Variants in FBN2 observed in about 807,000 individuals in gnomAD.
The protein encoded by FBN2 is fibrillin-2.
A neutral mutation model predicts 355.6 loss-of-function variants in FBN2; 105 were observed. That is an observed-to-expected ratio of 0.30 (90% CI 0.25 to 0.35). FBN2 has a LOEUF of 0.35. Among genes scored for constraint, FBN2 ranks in the 10% least tolerant of loss-of-function variants. FBN2 has a pLI of 1.00. For synonymous variants in FBN2, 1,350 were observed against 1,301.2 expected (o/e 1.04, Z -0.81); for missense variants, 3,280 against 3,758.7 (o/e 0.87, Z 3.33).
intron 7 of FBN2, among the ~76,000 whole-genome samples, chr5:128,434,422 A>ATATACATATATATATATATATATATG (rs1561455185): frequency 7.5e-6 from 1 of 132,682 alleles, no homozygotes; most frequent in African/African-American, 3.3e-5. Flanking sequence ...ATATATATAT[A>ATATACATATATATATATATATATATG]TATGGGCAGT....
At chr5:128,347,462 T>G (rs1342423330) in intron 23 of FBN2, among the ~76,000 whole-genome samples, 1 of 152,178 alleles carries the variant, frequency 6.6e-6, no homozygotes, top group African/African-American at 2.4e-5. Context: ...TTTGGAAACC[T>G]TTGGATGGTC....
chr5:128,536,630 G>C (rs1323491226), intron 1 of FBN2, 146 bp from the exon 2 acceptor site: 5 of 712,380 alleles, frequency 7.0e-6, no homozygotes, highest in African/African-American at 1.7e-5. Flanking sequence ...GAGATCGGGA[G>C]GCAGACGTGG....
Position 128,374,691 on chromosome 5 carries a change from C to G in FBN2, c.2032G>C (p.Gly678Arg). 1 of 1,613,932 alleles carries G rather than the reference C, an allele frequency of 6.2e-7. No homozygotes were observed. Among genetic ancestry groups the G allele is most frequent in the Non-Finnish European group, 8.5e-7 (1 of 1,179,896 alleles). The change falls in exon 15 of 65, where the codon GGG becomes CGG. Residue 678 changes from glycine (G) to arginine (R), a missense_variant. Gly to Arg is a moderately radical substitution (Grantham distance 125, BLOSUM62 -2). This residue lies in a region of FBN2 where 2,284 missense variants were observed against 2,749.5 expected (regional missense o/e 0.83). Transcript: ENST00000262464. ...CMNGHCINSE[G>R]SFRCDCPPGL... ...GGGGGACAGTCACAGCGGAAGGACC[C>G]TTCACTGTTGATGCAGTGCCCATTC...
intron 34 of FBN2, 135 bp downstream of exon 34, chr5:128,328,561 T>TC: frequency 1.0e-6 from 1 of 958,202 alleles, no homozygotes; most frequent in South Asian, 1.4e-5. Context: ...TAATCCACGC[T>TC]TAAACGAATG....
At chr5:128,349,628 T>C (rs1373497930) in intron 22 of FBN2, among the ~76,000 whole-genome samples, 156 bp from the exon 23 acceptor site, 1 of 152,214 alleles carries the variant, frequency 6.6e-6, no homozygotes, top group African/African-American at 2.4e-5. Context: ...AGCCACCCGC[T>C]TTCCTAGGTA....
chr5:128,534,504 T>G (rs1334749201), intron 2 of FBN2, among the ~76,000 whole-genome samples: 3 of 152,232 alleles, frequency 2.0e-5, no homozygotes, highest in Non-Finnish European at 4.4e-5. Flanking sequence ...GTGTTTCTAA[T>G]AAATATTTTT....
In FBN2 at chr5:128,501,534, A is replaced by G. The variant is rs137947393; in HGVS notation, c.628+17739T>C. Among the ~76,000 whole-genome samples the G allele has an allele frequency of 5.9e-3, 904 of 152,322 alleles. 6 individuals are homozygous for G. The highest frequency in any genetic ancestry group is 0.021 in the African/African-American group (868 of 41,580). On this transcript the variant is annotated intron_variant, in intron 5 of 64. Transcript: ENST00000262464. ...CCATACTATAATTTTTTCCTAATACACAAAGCAGATTAAGAAAAGAATACT... is the reference window on the plus strand; with the variant it reads ...CCATACTATAATTTTTTCCTAATACGCAAAGCAGATTAAGAAAAGAATACT...
intron 5 of FBN2, among the ~76,000 whole-genome samples, chr5:128,470,887 C>G (rs1169806546): frequency 1.3e-5 from 2 of 152,176 alleles, no homozygotes; most frequent in Non-Finnish European, 2.9e-5. Context: ...ATGTAAATGT[C>G]ATTCCCTGGA....
intron 62 of FBN2, among the ~76,000 whole-genome samples, chr5:128,267,837 GAACA>G (rs767112852): frequency 1.6e-4 from 25 of 152,040 alleles, no homozygotes; most frequent in Non-Finnish European, 2.6e-4. Context: ...AAACCAATGA[GAACA>G]AACAGACAAC....
chr5:128,475,615 G>C (rs1396880092), intron 5 of FBN2, among the ~76,000 whole-genome samples: 2 of 151,968 alleles, frequency 1.3e-5, no homozygotes, highest in African/African-American at 4.8e-5. Flanking sequence ...ACACTTTCAG[G>C]TTAGAATGGC....
chr5:128,519,441 G>A, intron 4 of FBN2, 73 bp from the exon 5 acceptor site: 1 of 1,042,420 alleles, frequency 9.6e-7, no homozygotes, highest in Non-Finnish European at 1.5e-6. Context: ...CAGTGATGCT[G>A]CCAATAAAGG....
intron 5 of FBN2, among the ~76,000 whole-genome samples, chr5:128,482,422 T>C (rs1161356092): frequency 6.6e-6 from 1 of 152,202 alleles, no homozygotes; most frequent in Non-Finnish European, 1.5e-5. Flanking sequence ...TGCCTGAAGA[T>C]TCAATGATCT....
At chr5:128,513,281 C>A (rs1008435538) in intron 5 of FBN2, among the ~76,000 whole-genome samples, 1 of 152,228 alleles carries the variant, frequency 6.6e-6, no homozygotes, top group African/African-American at 2.4e-5. Context: ...TATACATGCA[C>A]ATCTGATTTA....
Position 128,278,735 on chromosome 5 carries a change from C to T in FBN2, c.7245G>A (p.Gly2415=). ...VTKSECCCDG[G]RGWGHQCELC... ...GCTCGCACTGGTGGCCCCAGCCTCG[C>T]CCACCATCACAGCAGCATTCTGACT... Residue 2415 remains glycine, a synonymous_variant, in exon 57 of 65, where the codon GGG becomes GGA. Transcript: ENST00000262464. 6.2e-7 allele frequency: 1 copy of T among 1,614,126 alleles called. No homozygotes were observed. Among genetic ancestry groups the T allele is most frequent in the Non-Finnish European group, 8.5e-7 (1 of 1,179,990 alleles).
At chr5:128,270,589 G>A (rs890914376) in intron 62 of FBN2, among the ~76,000 whole-genome samples, 1 of 152,114 alleles carries the variant, frequency 6.6e-6, no homozygotes, top group African/African-American at 2.4e-5. Flanking sequence ...ACACAGGCAT[G>A]GGCAAAGACT....
chr5:128,318,385 AAAGAC>A, intron 35 of FBN2, 114 bp from the exon 36 acceptor site: 1 of 1,036,792 alleles, frequency 9.6e-7, no homozygotes, highest in South Asian at 1.3e-5. Flanking sequence ...GATCACTAGG[AAAGAC>A]TCAACACAAT....
chr5:128,507,023 A>T (rs1755981370), intron 5 of FBN2, among the ~76,000 whole-genome samples: 1 of 151,984 alleles, frequency 6.6e-6, no homozygotes, highest in African/African-American at 2.4e-5. Flanking sequence ...ATTGATATTT[A>T]TATGTTGTTT....
At chr5:128,401,284 A>G (rs1275068652) in intron 8 of FBN2, among the ~76,000 whole-genome samples, 3 of 152,188 alleles carry the variant, frequency 2.0e-5, no homozygotes, top group Admixed American at 2.0e-4. Flanking sequence ...GAACACTGCA[A>G]TGTAACACTT....
At position 128,527,897 on chromosome 5, in the gene FBN2, T is replaced by A. The variant is rs753414895; in HGVS notation, c.507A>T (p.Gly169=). The A allele has an allele frequency of 3.7e-6, 6 of 1,611,562 alleles. No homozygotes were observed. Among genetic ancestry groups the A allele is most frequent in the Non-Finnish European group, 5.1e-6 (6 of 1,178,020 alleles). The change falls in exon 4 of 65, where the codon GGA becomes GGT. Residue 169 remains glycine (G), a synonymous_variant. Coordinates refer to ENST00000262464, the MANE Select transcript of FBN2 (RefSeq NM_001999.4). Reference sequence around the variant, plus strand: ...GTTGTCCACAATAAGTTCCAATATATCCTTTCTGGCACTGGCAGTGGTCAT... The same window carrying A: ...GTTGTCCACAATAAGTTCCAATATAACCTTTCTGGCACTGGCAGTGGTCAT... ...CADDHCQCQK[G]YIGTYCGQPV... is the part of the protein sequence containing the mutation.
Sources: allele counts gnomAD v4.1 joint callset (sites outside exome capture counted in the v4.1 genomes callset), GRCh38; gene constraint gnomAD v4.1.1; regional missense constraint gnomAD v4.1.1; transcripts MANE v1.5; gene names NCBI Gene and HGNC (gene_info 2026-07-23, HGNC 2026-07-21).